The following LRRC72 variants were observed in gnomAD, a reference collection of about 807,000 sequenced individuals.
The protein encoded by LRRC72 is leucine rich repeat containing 72.
LRRC72 carries 41 observed loss-of-function variants against 35.8 expected under a neutral mutation model. The ratio of observed to expected loss-of-function variants is 1.15; its 90% CI spans 0.89 to 1.49. The LOEUF (loss-of-function observed/expected upper bound fraction) is 1.49. Ranked by LOEUF, LRRC72 falls within the 40% of genes most tolerant of loss-of-function variation. The pLI is 0.00. For missense variants in LRRC72, 389 were observed against 330.7 expected, an observed-to-expected ratio of 1.18 and a Z score of -1.37; for synonymous variants, 118 against 119.2, an observed-to-expected ratio of 0.99 and a Z score of 0.07.
At chr7:16,580,018 T>G (rs901178384) in intron 7 of LRRC72, 56 bp from the exon 8 acceptor site, 4 of 385,290 alleles carry the variant, frequency 1.0e-5, no homozygotes, top group African/African-American at 2.2e-5. Context: ...TCCACTGTTT[T>G]TAAATGCTGG....
chr7:16,549,037 A>G (rs1038973552), intron 3 of LRRC72, among the ~76,000 whole-genome samples: 2 of 152,172 alleles, frequency 1.3e-5, no homozygotes, highest in Admixed American at 1.3e-4. Flanking sequence ...TGCTCAGCAA[A>G]TGTTTGCTGA....
intron 2 of LRRC72, among the ~76,000 whole-genome samples, chr7:16,537,401 G>C (rs973416462): frequency 5.3e-5 from 8 of 152,146 alleles, no homozygotes; most frequent in African/African-American, 1.9e-4. Flanking sequence ...ATGTGATAAA[G>C]TGCTCCCTTT....
intron 3 of LRRC72, among the ~76,000 whole-genome samples, chr7:16,553,918 C>G (rs1238704893): frequency 1.3e-5 from 2 of 152,184 alleles, no homozygotes; most frequent in Non-Finnish European, 2.9e-5. Context: ...CTATTGAGCA[C>G]TTGTTATGCT....
chr7:16,529,711 T>G (rs1381057143), intron 1 of LRRC72, among the ~76,000 whole-genome samples: 1 of 152,216 alleles, frequency 6.6e-6, no homozygotes, highest in African/African-American at 2.4e-5. Context: ...TGATAAAAAC[T>G]TGTGTAAATA....
intron 5 of LRRC72, among the ~76,000 whole-genome samples, chr7:16,565,557 A>G (rs1460241661): frequency 6.6e-6 from 1 of 152,150 alleles, no homozygotes; most frequent in Non-Finnish European, 1.5e-5. Flanking sequence ...AGCCCTCACA[A>G]CTTCTAGTTG....
At chr7:16,571,818 G>C (rs547751970) in intron 7 of LRRC72, among the ~76,000 whole-genome samples, 1 of 152,288 alleles carries the variant, frequency 6.6e-6, no homozygotes, top group Non-Finnish European at 1.5e-5. Context: ...TCATACCCCA[G>C]TGGCACCTGG....
intron 2 of LRRC72, among the ~76,000 whole-genome samples, chr7:16,534,356 A>G (rs1223442087): frequency 6.6e-6 from 1 of 152,246 alleles, no homozygotes; most frequent in African/African-American, 2.4e-5. Context: ...TTATGTGCAG[A>G]ATAAACCCTT....
At chr7:16,531,782 T>C (rs1322926674) in intron 1 of LRRC72, among the ~76,000 whole-genome samples, 1 of 152,168 alleles carries the variant, frequency 6.6e-6, no homozygotes, top group African/African-American at 2.4e-5. Context: ...AGCAAAGGAC[T>C]TTAAGAAAAA....
At chr7:16,542,562 T>C (rs535658838) in intron 3 of LRRC72, among the ~76,000 whole-genome samples, 17 of 152,342 alleles carry the variant, frequency 1.1e-4, no homozygotes, top group African/African-American at 3.1e-4. Context: ...TTTCCACCTG[T>C]GACCTGAAGG....
chr7:16,560,529 G>A (rs1281715653), intron 5 of LRRC72, among the ~76,000 whole-genome samples: 1 of 152,024 alleles, frequency 6.6e-6, no homozygotes, highest in Admixed American at 6.6e-5. Flanking sequence ...GAAAGAATTG[G>A]CCTGCATATT....
chr7:16,573,452 A>G (rs1782983062), intron 7 of LRRC72, among the ~76,000 whole-genome samples: 1 of 152,222 alleles, frequency 6.6e-6, no homozygotes, highest in Admixed American at 6.5e-5. Context: ...GTACCAAAAC[A>G]GATATATAGA....
chr7:16,577,539 G>T (rs1447300934), intron 7 of LRRC72, among the ~76,000 whole-genome samples: 10 of 152,010 alleles, frequency 6.6e-5, no homozygotes, highest in Non-Finnish European at 1.5e-5. Context: ...ACATGAAAAT[G>T]AAAAACAATT....
At chr7:16,578,977 G>A (rs546665444) in intron 7 of LRRC72, among the ~76,000 whole-genome samples, 36 of 152,288 alleles carry the variant, frequency 2.4e-4, no homozygotes, top group African/African-American at 8.7e-4. Context: ...GGGAAATGGG[G>A]AGATGTTAGT....
At chr7:16,568,710 T>C (rs1782892123) in intron 7 of LRRC72, among the ~76,000 whole-genome samples, 1 of 151,700 alleles carries the variant, frequency 6.6e-6, no homozygotes, top group African/African-American at 2.4e-5. Flanking sequence ...AAAAGACACA[T>C]AACAACAACA....
At chr7:16,536,849 C>G (rs192381156) in intron 2 of LRRC72, 1 of 152,078 alleles carries the variant, frequency 6.6e-6, no homozygotes, top group South Asian at 2.1e-4. Flanking sequence ...GCACACAATA[C>G]GTGATCTATA....
In LRRC72 at chr7:16,563,251, A is replaced by G. The variant is rs527762277; in HGVS notation, c.428-3062A>G. ...TTCTGCTTTAAAAGTTTACAAAAAA[A>G]TAACTGGAGCCAATTATTTAGATGG... On this transcript the variant is annotated intron_variant, in intron 5 of 8. Transcript: ENST00000401542. 2.0e-5 allele frequency among the ~76,000 whole-genome samples: 3 copies of G among 152,312 alleles called. No individual in the cohort carries two copies. The East Asian group carries it at 5.8e-4, about 29-fold the overall frequency.
intron 3 of LRRC72, among the ~76,000 whole-genome samples, chr7:16,550,794 C>A (rs913876478): frequency 1.3e-5 from 2 of 152,184 alleles, no homozygotes; most frequent in African/African-American, 4.8e-5. Flanking sequence ...CTTTCTTTTG[C>A]CCATTCTCCT....
chr7:16,539,262 C>G, intron 3 of LRRC72, among the ~76,000 whole-genome samples: 1 of 152,296 alleles, frequency 6.6e-6, no homozygotes, highest in Middle Eastern at 3.4e-3. Context: ...TCATGCTATG[C>G]TTTAGCAAAG....
chr7:16,541,836 G>A (rs903942696), intron 3 of LRRC72, among the ~76,000 whole-genome samples: 3 of 152,274 alleles, frequency 2.0e-5, no homozygotes, highest in East Asian at 3.9e-4. Context: ...GCTTGAACTC[G>A]GGAGGTGGAG....
Sources: allele counts gnomAD v4.1 joint callset (sites outside exome capture counted in the v4.1 genomes callset), GRCh38; gene constraint gnomAD v4.1.1; transcripts MANE v1.5; gene names NCBI Gene and HGNC (gene_info 2026-07-23, HGNC 2026-07-21).